The following TXLNB variants were observed in gnomAD, a reference collection of about 807,000 sequenced individuals.
TXLNB encodes taxilin beta, also known as beta-taxilin.
A neutral mutation model predicts 57.4 loss-of-function variants in TXLNB; 37 were observed. The ratio of observed to expected loss-of-function variants is 0.64; its 90% CI spans 0.50 to 0.85. The LOEUF (loss-of-function observed/expected upper bound fraction) is 0.85, where lower values mean the gene tolerates loss of function less well. Among genes scored for constraint, TXLNB ranks in the 40% least tolerant of loss-of-function variants. TXLNB has a pLI of 0.00. For synonymous variants in TXLNB, 302 were observed against 309.6 expected (o/e 0.98, Z 0.26); for missense variants, 848 against 825.6 (o/e 1.03, Z -0.33).
intron 3 of TXLNB, among the ~76,000 whole-genome samples, chr6:139,272,859 C>T (rs1214882599): frequency 2.0e-5 from 3 of 152,020 alleles, no homozygotes; most frequent in Non-Finnish European, 4.4e-5. Flanking sequence ...CATGGTGAAA[C>T]CTCATCTCTA....
At chr6:139,260,764 G>A (rs1464135162) in intron 5 of TXLNB, among the ~76,000 whole-genome samples, 4 of 152,202 alleles carry the variant, frequency 2.6e-5, no homozygotes, top group South Asian at 2.1e-4. Flanking sequence ...AGACAGCACA[G>A]ACAATGATGT....
the TXLNB span, chr6:139,166,238 CT>C: frequency 1.0e-5 from 15 of 1,490,096 alleles, no homozygotes; most frequent in South Asian, 1.2e-4. Context: ...TTGAGTACCC[CT>C]AATCCAAAAA....
the TXLNB span, among the ~76,000 whole-genome samples, chr6:139,167,795 A>C: frequency 6.6e-6 from 1 of 152,222 alleles, no homozygotes; most frequent in African/African-American, 2.4e-5. Context: ...TGATAGCAGC[A>C]AAAGGTAAAC....
chr6:139,209,532 G>A, the TXLNB span, among the ~76,000 whole-genome samples: 1 of 151,916 alleles, frequency 6.6e-6, no homozygotes, highest in African/African-American at 2.4e-5. Flanking sequence ...TAGACCAATG[G>A]AACAGAATAG....
intron 2 of TXLNB, among the ~76,000 whole-genome samples, chr6:139,287,703 C>G (rs373307320): frequency 1.2e-4 from 18 of 152,160 alleles, no homozygotes; most frequent in African/African-American, 3.6e-4. Flanking sequence ...GAAAGACAAG[C>G]AGAGGGACTT....
chr6:139,181,424 G>A, the TXLNB span, among the ~76,000 whole-genome samples: 4 of 152,266 alleles, frequency 2.6e-5, no homozygotes, highest in East Asian at 5.8e-4. Context: ...TTGAGCAGGC[G>A]AATCATCCCT....
intron 3 of TXLNB, among the ~76,000 whole-genome samples, chr6:139,272,476 T>C (rs1203321064): frequency 7.2e-5 from 11 of 152,212 alleles, no homozygotes; most frequent in Admixed American, 7.2e-4. Context: ...TATGTATATA[T>C]GATATTCTAT....
chr6:139,279,736 G>A (rs986864682), intron 2 of TXLNB, among the ~76,000 whole-genome samples: 11 of 149,032 alleles, frequency 7.4e-5, no homozygotes, highest in East Asian at 1.9e-4. Context: ...ATTCAGGGAC[G>A]CTTTATCAGG....
rs143124528 is a variant in TXLNB, at chr6:139,288,550, C to G, written c.350G>C (p.Gly117Ala). Residue 117 changes from glycine (G) to alanine (A), a missense_variant, in exon 2 of 10, where the codon GGA becomes GCA. By Grantham distance (60) the Gly-to-Ala change is moderately conservative (BLOSUM62 0). Transcript: ENST00000358430. ...EEAGREPVAS[G>A]EPPTVKEPVS... ...GGGCTCTTTGACAGTGGGTGGCTCT[C>G]CAGAAGCAACGGGTTCTCTTCCAGC... 1 of 1,614,190 alleles carries G rather than the reference C, an allele frequency of 6.2e-7. No homozygotes were observed. The highest frequency in any genetic ancestry group is 8.5e-7 in the Non-Finnish European group (1 of 1,180,042).
the TXLNB span, among the ~76,000 whole-genome samples, chr6:139,192,491 ACTTG>A: frequency 6.6e-6 from 1 of 152,168 alleles, no homozygotes; most frequent in African/African-American, 2.4e-5. Context: ...GGACATAGGT[ACTTG>A]TTTGATTTGG....
chr6:139,308,557 T>G, the TXLNB span, among the ~76,000 whole-genome samples: 4 of 152,258 alleles, frequency 2.6e-5, no homozygotes, highest in African/African-American at 9.6e-5. Context: ...TTTAAAAGTT[T>G]TTTGTTGTTT....
At chr6:139,190,184 AC>A in the TXLNB span, among the ~76,000 whole-genome samples, 1 of 152,130 alleles carries the variant, frequency 6.6e-6, no homozygotes, top group African/African-American at 2.4e-5. Flanking sequence ...CTATAACAAT[AC>A]CTTAGACTGC....
the TXLNB span, among the ~76,000 whole-genome samples, chr6:139,168,231 T>A: frequency 1.0e-3 from 158 of 152,288 alleles, no homozygotes; most frequent in African/African-American, 3.3e-3. Context: ...GGTGGATGAC[T>A]GTGCATCCCC....
At chr6:139,309,564 T>C in the TXLNB span, among the ~76,000 whole-genome samples, 1 of 152,190 alleles carries the variant, frequency 6.6e-6, no homozygotes, top group Non-Finnish European at 1.5e-5. Context: ...CAATATTGCC[T>C]CTTGTCCAAA....
rs1172744207 is a variant in TXLNB at position 139,243,181 on chromosome 6, T to C, written c.1400A>G (p.Asp467Gly). ...KIRDAEISEK[D>G]DQSQHNSDEE... Reference sequence around the variant, plus strand: ...ATCGGAGTTGTGCTGACTTTGGTCATCCTTTTCAGATATTTCTGCGTCTCT... The same window carrying C: ...ATCGGAGTTGTGCTGACTTTGGTCACCCTTTTCAGATATTTCTGCGTCTCT... The change falls in exon 10 of 10, where the codon GAT becomes GGT. Residue 467 changes from aspartate (D) to glycine (G), a missense_variant. Coordinates refer to ENST00000358430, the MANE Select transcript of TXLNB (RefSeq NM_153235.4). The C allele has an allele frequency of 5.0e-6, 8 of 1,614,102 alleles. No individual in the cohort carries two copies. In the Admixed American group the frequency reaches 1.0e-4, roughly 20 times the overall value.
chr6:139,268,250 C>T (rs1014233289), intron 4 of TXLNB, among the ~76,000 whole-genome samples: 3 of 151,140 alleles, frequency 2.0e-5, no homozygotes, highest in Non-Finnish European at 2.9e-5. Flanking sequence ...GTATATACAC[C>T]TAATATTAAT....
At chr6:139,183,892 A>G in the TXLNB span, among the ~76,000 whole-genome samples, 1 of 152,068 alleles carries the variant, frequency 6.6e-6, no homozygotes, top group Non-Finnish European at 1.5e-5. Flanking sequence ...TTACAGAAGC[A>G]TAATCACTAA....
the TXLNB span, among the ~76,000 whole-genome samples, chr6:139,216,328 C>A: frequency 5.3e-5 from 8 of 151,412 alleles, no homozygotes; most frequent in Admixed American, 2.6e-4. Context: ...TTTGTAGGGA[C>A]ATGGATGAAG....
At chr6:139,176,007 G>A in the TXLNB span, among the ~76,000 whole-genome samples, 3 of 152,236 alleles carry the variant, frequency 2.0e-5, no homozygotes, top group Non-Finnish European at 1.5e-5. The surrounding 1 kb of genome is among the most constrained non-coding windows in gnomAD (Gnocchi z 4.5). Context: ...TCAATAAGAT[G>A]TAGCCAAAAA....
Sources: gnomAD v4.1 joint callset for allele counts (sites outside exome capture counted in the v4.1 genomes callset) on GRCh38, gnomAD v4.1.1 for gene constraint, Gnocchi (gnomAD v3.1) non-coding constraint, MANE v1.5 for transcripts, NCBI Gene and HGNC (gene_info 2026-07-23, HGNC 2026-07-21) for gene names.